The following CSMD1 variants were observed in gnomAD, a reference collection of about 807,000 sequenced individuals.
CSMD1 encodes the protein CUB and sushi domain-containing protein 1.
A neutral mutation model predicts 417.5 loss-of-function variants in CSMD1; 213 were observed. The observed-to-expected ratio is 0.51, with a 90% CI of 0.46 to 0.57. The LOEUF is 0.57. Among genes scored for constraint, CSMD1 ranks in the 20% least tolerant of loss-of-function variants. CSMD1 has a pLI of 0.00. For missense variants in CSMD1, 6,923 were observed against 4,529.7 expected (o/e 1.53, Z -15.17); for synonymous variants, 2,862 against 1,736.8 (o/e 1.65, Z -16.11).
chr8:4,192,576 T>A (rs556926396), intron 3 of CSMD1, among the ~76,000 whole-genome samples: 1 of 152,330 alleles, frequency 6.6e-6, no homozygotes, highest in African/African-American at 2.4e-5. Context: ...GTGGGTATTT[T>A]ACTCTTCATC....
At chr8:3,077,700 C>G (rs1383022643) in intron 49 of CSMD1, among the ~76,000 whole-genome samples, 1 of 152,250 alleles carries the variant, frequency 6.6e-6, no homozygotes, top group African/African-American at 2.4e-5. Flanking sequence ...GCCCCGACCC[C>G]GGCTTGCCTA....
chr8:3,744,824 C>A (rs1796988252), intron 6 of CSMD1, among the ~76,000 whole-genome samples: 1 of 152,138 alleles, frequency 6.6e-6, no homozygotes, highest in South Asian at 2.1e-4. Context: ...TTTCATATAT[C>A]TATGGAACTG....
At chr8:3,053,763 C>A (rs1812028913) in intron 49 of CSMD1, among the ~76,000 whole-genome samples, 1 of 152,072 alleles carries the variant, frequency 6.6e-6, no homozygotes, top group African/African-American at 2.4e-5. Flanking sequence ...AGTCATGAAG[C>A]CAACAAGCAG....
chr8:4,714,012 G>A (rs1808482090), intron 1 of CSMD1, among the ~76,000 whole-genome samples: 2 of 152,032 alleles, frequency 1.3e-5, no homozygotes, highest in African/African-American at 4.8e-5. Context: ...AAGCATGGTG[G>A]CAGGTGCCTG....
In CSMD1 at chr8:4,168,105, G is replaced by C. The variant is rs1490867695; in HGVS notation, c.416-136006C>G. 3.3e-5 allele frequency among the ~76,000 whole-genome samples: 5 copies of C among 150,574 alleles called. No individual in the cohort carries two copies. The East Asian group carries it at 7.8e-4, about 24-fold the overall frequency. The stretch of plus-strand genomic sequence containing the variant: ...AATCGCACCACTGCTCTCCAGCTTG[G>C]GAAAGAGAGCAAGGCTCTGTCTCAA... On this transcript the variant is annotated intron_variant, in intron 3 of 69. Transcript: ENST00000635120.
At chr8:3,111,621 C>T (rs1241144661) in intron 42 of CSMD1, among the ~76,000 whole-genome samples, 1 of 152,062 alleles carries the variant, frequency 6.6e-6, no homozygotes, top group Non-Finnish European at 1.5e-5. Context: ...CACCTGAGGT[C>T]AGGAGTTTGA....
intron 2 of CSMD1, among the ~76,000 whole-genome samples, chr8:4,443,867 A>C (rs1395389354): frequency 6.6e-6 from 1 of 152,200 alleles, no homozygotes; most frequent in Non-Finnish European, 1.5e-5. Context: ...TTGACATGTG[A>C]AAACACTCAG....
intron 2 of CSMD1, among the ~76,000 whole-genome samples, chr8:4,491,431 G>A (rs1238565010): frequency 6.6e-6 from 1 of 152,094 alleles, no homozygotes; most frequent in Non-Finnish European, 1.5e-5. Context: ...GCTGTGATAA[G>A]GTCAGCAAAA....
At chr8:4,329,920 G>C (rs1002807976) in intron 3 of CSMD1, among the ~76,000 whole-genome samples, 2 of 151,924 alleles carry the variant, frequency 1.3e-5, no homozygotes, top group African/African-American at 2.4e-5. Flanking sequence ...GCCATGTGAG[G>C]TGTCTGCTCC....
At chr8:4,254,015 C>T (rs1201961534) in intron 3 of CSMD1, among the ~76,000 whole-genome samples, 1 of 139,490 alleles carries the variant, frequency 7.2e-6, no homozygotes, top group Non-Finnish European at 1.5e-5. Flanking sequence ...CTCCAGGGTT[C>T]ATGCCATTCT....
At chr8:3,197,697 C>A (rs989620588) in intron 33 of CSMD1, among the ~76,000 whole-genome samples, 2 of 152,016 alleles carry the variant, frequency 1.3e-5, no homozygotes, top group African/African-American at 4.8e-5. Flanking sequence ...ATCTCCTGAC[C>A]TCGTGATCCG....
intron 1 of CSMD1, among the ~76,000 whole-genome samples, chr8:4,849,892 G>C (rs775535531): frequency 4.6e-5 from 7 of 152,114 alleles, no homozygotes; most frequent in Non-Finnish European, 8.8e-5. Flanking sequence ...GGGTATATTA[G>C]AAATGGCATT....
At chr8:4,306,694 C>A (rs191272910) in intron 3 of CSMD1, among the ~76,000 whole-genome samples, 63 of 152,206 alleles carry the variant, frequency 4.1e-4, no homozygotes, top group Non-Finnish European at 7.8e-4. Context: ...CTCTCCTCTT[C>A]CAAAACGTCC....
At chr8:3,428,461 T>C (rs1180670085) in intron 12 of CSMD1, among the ~76,000 whole-genome samples, 1 of 152,178 alleles carries the variant, frequency 6.6e-6, no homozygotes, top group Non-Finnish European at 1.5e-5. Flanking sequence ...CCAAACTGTT[T>C]ATACTGAGCA....
intron 46 of CSMD1, among the ~76,000 whole-genome samples, chr8:3,103,004 G>T (rs750894606): frequency 6.6e-6 from 1 of 152,116 alleles, no homozygotes; most frequent in Admixed American, 6.5e-5. Context: ...GTGATTTAGC[G>T]GGAGACAAAA....
At chr8:3,056,103 A>C (rs1812201681) in intron 49 of CSMD1, among the ~76,000 whole-genome samples, 2 of 152,230 alleles carry the variant, frequency 1.3e-5, no homozygotes, top group South Asian at 4.1e-4. Context: ...TGCAAATAAA[A>C]ATATTAGTTG....
At chr8:3,953,669 G>C (rs1811733725) in intron 5 of CSMD1, among the ~76,000 whole-genome samples, 1 of 152,106 alleles carries the variant, frequency 6.6e-6, no homozygotes, top group Non-Finnish European at 1.5e-5. Context: ...CTGGGAGCCT[G>C]GGGAAGTGAT....
At chr8:4,093,712 G>A (rs1313735961) in intron 3 of CSMD1, among the ~76,000 whole-genome samples, 1 of 152,136 alleles carries the variant, frequency 6.6e-6, no homozygotes, top group African/African-American at 2.4e-5. Flanking sequence ...TGTAATTTCG[G>A]CACTTTGGGA....
chr8:3,790,375 G>T (rs1799669646), intron 5 of CSMD1, among the ~76,000 whole-genome samples: 1 of 152,238 alleles, frequency 6.6e-6, no homozygotes, highest in East Asian at 1.9e-4. Context: ...GACGGTGATG[G>T]TTATGATGAT....
Sources: allele counts gnomAD v4.1 joint callset (sites outside exome capture counted in the v4.1 genomes callset), GRCh38; gene constraint gnomAD v4.1.1; transcripts MANE v1.5; gene names NCBI Gene and HGNC (gene_info 2026-07-23, HGNC 2026-07-21).